The following EVI5 variants were observed in gnomAD, a reference collection of about 807,000 sequenced individuals.
EVI5 encodes ecotropic viral integration site 5 protein homolog.
Under a neutral mutation model 112.0 loss-of-function variants are expected in EVI5, and 73 were observed. The ratio of observed to expected loss-of-function variants is 0.65; its 90% confidence interval spans 0.54 to 0.79. The LOEUF (loss-of-function observed/expected upper bound fraction) is 0.79, where lower values mean the gene tolerates loss of function less well. Ranked by LOEUF, EVI5 falls within the 30% of genes least tolerant of loss-of-function variation. EVI5 has a pLI of 0.00. For missense variants in EVI5, 900 were observed against 968.8 expected (o/e 0.93, Z 0.94); for synonymous variants, 305 against 319.9 (o/e 0.95, Z 0.50).
At chr1:92,608,868 GT>G (rs1388092210) in intron 16 of EVI5, among the ~76,000 whole-genome samples, 1 of 152,058 alleles carries the variant, frequency 6.6e-6, no homozygotes, top group Non-Finnish European at 1.5e-5. Context: ...TTAATATTTG[GT>G]CATTAAGCAA....
chr1:92,650,741 C>T (rs1394137597), intron 13 of EVI5, among the ~76,000 whole-genome samples: 2 of 151,782 alleles, frequency 1.3e-5, no homozygotes, highest in East Asian at 3.9e-4. Context: ...TCAATTTTAT[C>T]TCTGTTATTT....
chr1:92,647,899 C>T (rs1265569034), intron 13 of EVI5, among the ~76,000 whole-genome samples: 2 of 151,824 alleles, frequency 1.3e-5, no homozygotes, highest in African/African-American at 4.8e-5. Flanking sequence ...CATGCACCAC[C>T]ATGCCCAGCT....
chr1:92,531,843 T>A (rs561158110), intron 19 of EVI5, among the ~76,000 whole-genome samples: 1 of 152,220 alleles, frequency 6.6e-6, no homozygotes, highest in South Asian at 2.1e-4. Context: ...CATACCAAAT[T>A]GTAAAGACCA....
intron 1 of EVI5, among the ~76,000 whole-genome samples, chr1:92,754,945 T>A (rs1680701549): frequency 1.3e-5 from 2 of 152,196 alleles, no homozygotes; most frequent in South Asian, 4.1e-4. Flanking sequence ...AAGGGCATGT[T>A]TATATGATAT....
At position 92,577,303 on chromosome 1, in the gene EVI5, T is replaced by G. The variant is rs78333449; in HGVS notation, c.2071-13566A>C. Among the ~76,000 whole-genome samples, 106 of 152,356 alleles carry G rather than the reference T, an allele frequency of 7.0e-4. No individual in the cohort carries two copies. In the South Asian group the frequency reaches 0.012, roughly 18 times the overall value. ...GCCCATTTCTCCTCCTCCCTTAATT[T>G]TCACTTCAGAATATGCTGGTCTGAT... is the stretch of plus-strand genomic sequence containing the variant. On this transcript the variant is annotated intron_variant, in intron 18 of 19. Coordinates refer to ENST00000684568, the MANE Select transcript of EVI5 (RefSeq NM_001350197.2).
rs1415801318 is a variant in EVI5, at chr1:92,735,645, TATA to T, written c.149+750_149+752del. On this transcript the variant is annotated intron_variant, in intron 2 of 19. Coordinates refer to ENST00000684568, the MANE Select transcript of EVI5 (RefSeq NM_001350197.2). ...TATGATATATGATATATGTCATATA[TATA>T]TATAATTATATAATTCAACAAAATA... Among the ~76,000 whole-genome samples the T allele has an allele frequency of 9.1e-4, 10 of 11,034 alleles. No individual in the cohort carries two copies. In the South Asian group the frequency reaches 0.027, roughly 30 times the overall value. The allele number at this position is 11,034 out of a possible 152,430, so 7.2% of individuals were successfully genotyped here. A position where few individuals can be genotyped will look rare whatever the true frequency, so the allele number is the denominator to read the frequency against.
intron 19 of EVI5, among the ~76,000 whole-genome samples, chr1:92,527,541 A>C (rs1183649962): frequency 6.6e-6 from 1 of 152,144 alleles, no homozygotes; most frequent in Non-Finnish European, 1.5e-5. Flanking sequence ...AAGTTGGTAA[A>C]ATTTTACTTA....
rs541821840 is a variant in EVI5 at position 92,633,876 on chromosome 1, G to C, written c.1527+2326C>G. Among the ~76,000 whole-genome samples the C allele has an allele frequency of 7.3e-4, 111 of 152,240 alleles. 1 individual carries two copies. The highest frequency in any genetic ancestry group is 4.1e-3 in the South Asian group (20 of 4,826). The stretch of plus-strand genomic sequence containing the variant: ...CAGGAGCTCTTTTAGGGCAGGCCTG[G>C]TGGTGACAAAATCTCTCACCATTTG... On this transcript the variant is annotated intron_variant, in intron 14 of 19. Transcript: ENST00000684568.
chr1:92,784,643 G>C (rs1026470315), intron 1 of EVI5, among the ~76,000 whole-genome samples, 193 bp downstream of exon 1: 2 of 151,610 alleles, frequency 1.3e-5, no homozygotes, highest in Non-Finnish European at 3.0e-5. Context: ...GGGCGGCGGC[G>C]GCGGCGACAG....
chr1:92,750,745 A>G (rs577560125), intron 1 of EVI5, among the ~76,000 whole-genome samples: 62 of 152,206 alleles, frequency 4.1e-4, no homozygotes, highest in African/African-American at 1.4e-3. Flanking sequence ...TTATCTGTTG[A>G]CTTCTTCCTG....
At chr1:92,725,813 C>A (rs1675486497) in intron 2 of EVI5, among the ~76,000 whole-genome samples, 1 of 151,540 alleles carries the variant, frequency 6.6e-6, no homozygotes, top group African/African-American at 2.4e-5. Flanking sequence ...AGCAAACCAG[C>A]ATTAACTCAA....
At chr1:92,599,224 A>C (rs924529650) in intron 18 of EVI5, among the ~76,000 whole-genome samples, 2 of 151,968 alleles carry the variant, frequency 1.3e-5, no homozygotes, top group African/African-American at 4.8e-5. Flanking sequence ...GGCTTTCATT[A>C]TATGAATAAC....
intron 9 of EVI5, among the ~76,000 whole-genome samples, chr1:92,683,567 T>G (rs539502748): frequency 6.6e-6 from 1 of 152,232 alleles, no homozygotes; most frequent in Non-Finnish European, 1.5e-5. Context: ...TTTGACGAGT[T>G]GACAGAAGTA....
Position 92,785,043 on chromosome 1 carries a change from G to A in EVI5, c.-289C>T, listed in dbSNP as rs980066866. 2.0e-6 allele frequency: 2 copies of A among 985,522 alleles called. No homozygotes were observed. Among genetic ancestry groups the A allele is most frequent in the Non-Finnish European group, 2.4e-6 (2 of 830,184 alleles). 61.0% of individuals were successfully genotyped at this position (985,522 alleles called of 1,614,324 possible). On this transcript the variant is annotated 5_prime_UTR_variant, in exon 1 of 20. Coordinates refer to ENST00000684568, the MANE Select transcript of EVI5 (RefSeq NM_001350197.2). ...CGGCACCGCCGCTGTCGGAACTGCA[G>A]CCAGCCCCTTGCCAGCTGGCCAGCT...
At chr1:92,757,739 T>G (rs1681161207) in intron 1 of EVI5, among the ~76,000 whole-genome samples, 1 of 151,314 alleles carries the variant, frequency 6.6e-6, no homozygotes, top group Non-Finnish European at 1.5e-5. Flanking sequence ...CCGTCTCTAT[T>G]AAAGATACAA....
intron 9 of EVI5, among the ~76,000 whole-genome samples, chr1:92,692,419 G>A (rs986152693): frequency 1.3e-5 from 2 of 152,170 alleles, no homozygotes; most frequent in African/African-American, 4.8e-5. Flanking sequence ...GCGGCTTTTT[G>A]TCTATATGAT....
chr1:92,600,519 T>C (rs1421778179), intron 18 of EVI5, among the ~76,000 whole-genome samples: 1 of 152,220 alleles, frequency 6.6e-6, no homozygotes, highest in Non-Finnish European at 1.5e-5. Flanking sequence ...TGATTCACTG[T>C]TGCAACAATT....
At chr1:92,791,264 T>C (rs1686071750) in intron 1 of EVI5, among the ~76,000 whole-genome samples, 1 of 152,224 alleles carries the variant, frequency 6.6e-6, no homozygotes. Flanking sequence ...ATCTAGGAAC[T>C]AGTAACTTCT....
intron 19 of EVI5, among the ~76,000 whole-genome samples, chr1:92,533,398 A>G (rs1312574113): frequency 6.6e-6 from 1 of 152,162 alleles, no homozygotes; most frequent in East Asian, 1.9e-4. Flanking sequence ...AACTATTCCA[A>G]ACGATAGAAA....
Sources: allele counts gnomAD v4.1 joint callset (sites outside exome capture counted in the v4.1 genomes callset), GRCh38; gene constraint gnomAD v4.1.1; transcripts MANE v1.5; gene names NCBI Gene and HGNC (gene_info 2026-07-23, HGNC 2026-07-21).